Variants in PTCHD4 observed in about 807,000 individuals in gnomAD.
PTCHD4 encodes the protein patched domain containing 4, also known as patched domain-containing protein 4.
A neutral mutation model predicts 58.1 loss-of-function variants in PTCHD4; 33 were observed. The ratio of observed to expected loss-of-function variants is 0.57; its 90% confidence interval spans 0.43 to 0.76. The LOEUF (loss-of-function observed/expected upper bound fraction) is 0.76, where lower values mean the gene tolerates loss of function less well. Among genes scored for constraint, PTCHD4 ranks in the 30% least tolerant of loss-of-function variants. The probability of loss-of-function intolerance (pLI) is 0.00; values close to 1 mark genes in which losing one functional copy is unlikely to be tolerated. For synonymous variants in PTCHD4, 478 were observed against 409.6 expected (o/e 1.17, Z -2.02); for missense variants, 1,058 against 1,027.1 (o/e 1.03, Z -0.41).
chr6:47,999,820 T>G (rs1222359116), intron 4 of PTCHD4, among the ~76,000 whole-genome samples: 1 of 152,206 alleles, frequency 6.6e-6, no homozygotes, highest in Non-Finnish European at 1.5e-5. Flanking sequence ...AACAATTATC[T>G]GACCCAGAAA....
chr6:48,068,439 G>C lies in PTCHD4; in HGVS notation c.208C>G (p.Leu70Val), dbSNP rs546524803. 10 of 1,613,914 alleles carry C rather than the reference G, an allele frequency of 6.2e-6. No individual in the cohort carries two copies. In the Admixed American group the frequency reaches 1.0e-4, roughly 16 times the overall value. Residue 70 changes from leucine to valine, a missense_variant, in exon 3 of 5, where the codon CTG (leucine) becomes GTG (valine). Physicochemically the swap from Leu to Val is conservative, Grantham distance 32. Coordinates refer to ENST00000339488, the MANE Select transcript of PTCHD4 (RefSeq NM_001384253.1). This position sits in a 1 kb window ranked among gnomAD's most constrained non-coding sequence, Gnocchi z 4.2. ...RFQPEGDLER[L>V]VAPSHSLAKI... is the part of the protein sequence containing the mutation. Reference sequence around the variant, plus strand: ...GCCAGGCTGTGGCTGGGAGCGACCAGGCGCTCCAGGTCGCCCTCGGGCTGG... The same window carrying C: ...GCCAGGCTGTGGCTGGGAGCGACCACGCGCTCCAGGTCGCCCTCGGGCTGG...
At chr6:47,914,881 G>A (rs758460615) in intron 4 of PTCHD4, among the ~76,000 whole-genome samples, 61 of 151,900 alleles carry the variant, frequency 4.0e-4, no homozygotes, top group Non-Finnish European at 5.4e-4. Context: ...AAATAAAAGA[G>A]TGAGTACTGT....
intron 4 of PTCHD4, among the ~76,000 whole-genome samples, chr6:47,981,156 T>C (rs1380093911): frequency 6.6e-6 from 1 of 152,174 alleles, no homozygotes; most frequent in Non-Finnish European, 1.5e-5. Context: ...CTATTTTTTC[T>C]TCAGAATCAC....
At chr6:48,056,449 T>C (rs1395111514) in intron 3 of PTCHD4, among the ~76,000 whole-genome samples, 2 of 152,234 alleles carry the variant, frequency 1.3e-5, no homozygotes, top group Non-Finnish European at 1.5e-5. Flanking sequence ...TGCCTGTCAT[T>C]TATTTTCAGT....
chr6:48,091,754 T>TGAAA (rs1582130409), intron 1 of PTCHD4, among the ~76,000 whole-genome samples: 1 of 151,944 alleles, frequency 6.6e-6, no homozygotes, highest in East Asian at 1.9e-4. Context: ...CAAGTGAGTC[T>TGAAA]CCTGCCTTAG....
intron 4 of PTCHD4, among the ~76,000 whole-genome samples, chr6:47,964,875 T>C (rs1331000063): frequency 6.6e-6 from 1 of 152,190 alleles, no homozygotes; most frequent in Non-Finnish European, 1.5e-5. Flanking sequence ...CATTTTATTT[T>C]CTATGAAGTA....
In PTCHD4 at chr6:47,872,309, C is replaced by A. The variant is rs531038271; in HGVS notation, c.*5994G>T. On this transcript the variant is annotated 3_prime_UTR_variant, in exon 5 of 5. Coordinates refer to ENST00000339488, the MANE Select transcript of PTCHD4 (RefSeq NM_001384253.1). ...TTCCTAGGAAATTCTTCAATGCAGT[C>A]TTCCAAAGCATTAGAATTTTTTTCC... 6.6e-6 allele frequency among the ~76,000 whole-genome samples: 1 copy of A among 151,800 alleles called. No individual in the cohort carries two copies. The highest frequency in any genetic ancestry group is 2.1e-4 in the South Asian group (1 of 4,826).
At chr6:48,020,587 C>T (rs1261883160) in intron 3 of PTCHD4, among the ~76,000 whole-genome samples, 1 of 151,972 alleles carries the variant, frequency 6.6e-6, no homozygotes, top group Non-Finnish European at 1.5e-5. Flanking sequence ...CATTGCTATC[C>T]TGCATGTCGA....
intron 4 of PTCHD4, among the ~76,000 whole-genome samples, chr6:47,924,491 G>A (rs932366604): frequency 6.6e-5 from 10 of 152,040 alleles, no homozygotes; most frequent in African/African-American, 1.7e-4. Context: ...ACTTTCTTTC[G>A]AGTATCATGG....
At chr6:48,090,533 C>T (rs1404153584) in intron 1 of PTCHD4, among the ~76,000 whole-genome samples, 2 of 152,138 alleles carry the variant, frequency 1.3e-5, no homozygotes, top group Non-Finnish European at 2.9e-5. Flanking sequence ...AGGATTTTAA[C>T]TGAGACCTGC....
chr6:48,083,908 G>A (rs140377306), intron 1 of PTCHD4, among the ~76,000 whole-genome samples: 38 of 152,162 alleles, frequency 2.5e-4, no homozygotes, highest in African/African-American at 4.3e-4. Flanking sequence ...CTTGATTTTC[G>A]TCTCAAGAGA....
chr6:48,063,496 T>C (rs1289057915), intron 3 of PTCHD4, among the ~76,000 whole-genome samples: 1 of 152,164 alleles, frequency 6.6e-6, no homozygotes, highest in African/African-American at 2.4e-5. Context: ...TCTAATATTG[T>C]ATTGTGGTTA....
At chr6:48,072,851 G>A (rs564981072) in intron 1 of PTCHD4, among the ~76,000 whole-genome samples, 2 of 151,896 alleles carry the variant, frequency 1.3e-5, no homozygotes, top group Non-Finnish European at 1.5e-5. Context: ...AAAAGTCTGG[G>A]TCTATCAGTG....
chr6:48,079,645 C>T (rs1208091872), intron 1 of PTCHD4, among the ~76,000 whole-genome samples: 4 of 150,418 alleles, frequency 2.7e-5, no homozygotes, highest in Admixed American at 6.7e-5. Context: ...AGTGTTTGAC[C>T]CCTGACATTG....
At chr6:48,029,530 T>A (rs1050237913) in intron 3 of PTCHD4, among the ~76,000 whole-genome samples, 1 of 152,118 alleles carries the variant, frequency 6.6e-6, no homozygotes, top group South Asian at 2.1e-4. Context: ...TATTTTTAAA[T>A]GTTAAATTTT....
chr6:48,105,639 CA>C (rs1202392914), intron 1 of PTCHD4, among the ~76,000 whole-genome samples: 1 of 151,980 alleles, frequency 6.6e-6, no homozygotes, highest in Non-Finnish European at 1.5e-5. Context: ...AAAAACCCTT[CA>C]AAAAATCAAT....
intron 1 of PTCHD4, among the ~76,000 whole-genome samples, chr6:48,086,268 A>G (rs1380394540): frequency 6.6e-6 from 1 of 152,210 alleles, no homozygotes; most frequent in East Asian, 1.9e-4. Flanking sequence ...CTTGCATTTC[A>G]TACAGTTTTC....
At chr6:47,929,004 A>G (rs981061576) in intron 4 of PTCHD4, among the ~76,000 whole-genome samples, 2 of 152,174 alleles carry the variant, frequency 1.3e-5, no homozygotes, top group African/African-American at 4.8e-5. Context: ...CATCTGAGGT[A>G]TAGAGAATGT....
chr6:48,012,968 G>T (rs545165711), intron 3 of PTCHD4, among the ~76,000 whole-genome samples: 1 of 152,086 alleles, frequency 6.6e-6, no homozygotes, highest in African/African-American at 2.4e-5. Context: ...TGCTGGACTC[G>T]GTTTGGCAGT....
Sources: gnomAD v4.1 joint callset for allele counts (sites outside exome capture counted in the v4.1 genomes callset) on GRCh38, gnomAD v4.1.1 for gene constraint, Gnocchi (gnomAD v3.1) non-coding constraint, MANE v1.5 for transcripts, NCBI Gene and HGNC (gene_info 2026-07-23, HGNC 2026-07-21) for gene names.